HIPK1: variants seen among roughly 807,000 people sequenced by gnomAD.
The protein encoded by HIPK1 is homeodomain interacting protein kinase 1.
Under a neutral mutation model 117.1 loss-of-function variants are expected in HIPK1, and 28 were observed. That is an observed-to-expected ratio of 0.24 (90% CI 0.18 to 0.33). The LOEUF is 0.33. Ranked by LOEUF, HIPK1 falls within the 10% of genes least tolerant of loss-of-function variation. The pLI, the probability that HIPK1 is intolerant of heterozygous loss-of-function variation, is 1.00. For synonymous variants in HIPK1, 605 were observed against 562.5 expected (o/e 1.08, Z -1.07); for missense variants, 1,122 against 1,475.1 (o/e 0.76, Z 3.92).
At chr1:113,937,957 G>A (rs1254044828) in intron 1 of HIPK1, among the ~76,000 whole-genome samples, 1 of 151,890 alleles carries the variant, frequency 6.6e-6, no homozygotes, top group African/African-American at 2.4e-5. Flanking sequence ...TGCATTTTAA[G>A]GCAGGTTGAG....
At chr1:113,955,244 G>A (rs1056332278) in intron 4 of HIPK1, among the ~76,000 whole-genome samples, 3 of 152,206 alleles carry the variant, frequency 2.0e-5, no homozygotes, top group Admixed American at 2.0e-4. Context: ...GTCTGAGTCT[G>A]TTGAACAGTT....
chr1:113,943,891 T>C (rs538043867), intron 2 of HIPK1, among the ~76,000 whole-genome samples: 113 of 152,300 alleles, frequency 7.4e-4, no homozygotes, highest in African/African-American at 2.5e-3. Flanking sequence ...CATAGTTCAC[T>C]GTAGCCTCCA....
intron 8 of HIPK1, 111 bp downstream of exon 8, chr1:113,958,402 A>T (rs1671867133): frequency 1.4e-6 from 1 of 718,538 alleles, no homozygotes; most frequent in African/African-American, 1.8e-5. Flanking sequence ...TCTCTGATGA[A>T]GAAGGTAACT....
intron 8 of HIPK1, among the ~76,000 whole-genome samples, chr1:113,959,258 C>G (rs905752305): frequency 7.3e-5 from 11 of 149,904 alleles, no homozygotes; most frequent in African/African-American, 2.7e-4. Flanking sequence ...TGTTTGGTTT[C>G]TGATAGAGTC....
chr1:113,944,985 C>A (rs1256806057), intron 2 of HIPK1, among the ~76,000 whole-genome samples: 5 of 152,080 alleles, frequency 3.3e-5, no homozygotes, highest in Non-Finnish European at 7.4e-5. Flanking sequence ...GTACCTGAGA[C>A]TACGGGCATG....
intron 2 of HIPK1, among the ~76,000 whole-genome samples, chr1:113,949,164 A>C (rs1024524228): frequency 1.3e-5 from 2 of 152,136 alleles, no homozygotes; most frequent in African/African-American, 2.4e-5. Flanking sequence ...TAAAGAAGAA[A>C]GTTATAGAGT....
At chr1:113,931,574 T>G (rs1669900087) in intron 1 of HIPK1, among the ~76,000 whole-genome samples, 1 of 152,220 alleles carries the variant, frequency 6.6e-6, no homozygotes, top group Non-Finnish European at 1.5e-5. Flanking sequence ...TGTAGTTTTG[T>G]GGTTTTTTGA....
chr1:113,955,269 C>T (rs895989158), intron 4 of HIPK1, among the ~76,000 whole-genome samples: 2 of 152,130 alleles, frequency 1.3e-5, no homozygotes, highest in African/African-American at 4.8e-5. Context: ...TTTGAGATAT[C>T]GATTTATTTG....
chr1:113,963,435 A>G lies in HIPK1; in HGVS notation c.2152A>G (p.Thr718Ala). 1.2e-6 allele frequency: 2 copies of G among 1,614,164 alleles called. No individual in the cohort carries two copies. The highest frequency in any genetic ancestry group is 1.7e-6 in the Non-Finnish European group (2 of 1,180,010). ...AGCAACTCTCCACCCTCAAGTAGCCACCATCACACCGCAGTATGCGGTGCC... is the reference window on the plus strand; with the variant it reads ...AGCAACTCTCCACCCTCAAGTAGCCGCCATCACACCGCAGTATGCGGTGCC... Reference protein sequence around the residue: ...MVATLHPQVATITPQYAVPFT... With the variant: ...MVATLHPQVAAITPQYAVPFT... Residue 718 changes from threonine to alanine, a missense_variant, in exon 10 of 16, where the codon ACC becomes GCC. Around this residue, in one of 6 missense-constraint regions of HIPK1, gnomAD observed 731 missense variants for 860.4 expected, o/e 0.85. Coordinates refer to ENST00000426820, the MANE Select transcript of HIPK1 (RefSeq NM_198268.3).
intron 7 of HIPK1, 94 bp from the exon 8 acceptor site, chr1:113,957,969 CATT>C: frequency 6.8e-6 from 6 of 888,730 alleles, no homozygotes; most frequent in Admixed American, 2.3e-5. Context: ...CATTTTAAAA[CATT>C]ATTCTACGTT....
In HIPK1 at chr1:113,971,974, G is replaced by A; in HGVS notation, c.3144+20G>A. 6.2e-7 allele frequency: 1 copy of A among 1,612,768 alleles called. No individual in the cohort carries two copies. The highest frequency in any genetic ancestry group is 8.5e-7 in the Non-Finnish European group (1 of 1,179,448). On this transcript the variant is annotated intron_variant, in intron 15 of 15. Coordinates refer to ENST00000426820, the MANE Select transcript of HIPK1 (RefSeq NM_198268.3). ...AGCCAGGTAAGTGCTATGGGCTACT[G>A]CCTTCTGTTTGGGCCCTGCACTGTT...
At chr1:113,951,342 T>C (rs1453566091) in intron 2 of HIPK1, 1 of 928,658 alleles carries the variant, frequency 1.1e-6, no homozygotes, top group Admixed American at 6.2e-5. Context: ...ATATACTCAA[T>C]TCTGGAGCCA....
Position 113,952,876 on chromosome 1 carries a change from C to A in HIPK1, c.1187C>A (p.Ser396Ter). ...FLGWPLYPGA[S>*]EYDQIRYISQ... Reference sequence around the variant, plus strand: ...GGATGGCCTCTTTATCCTGGTGCTTCAGAATATGATCAGGTAAAAGTGTTT... The same window carrying A: ...GGATGGCCTCTTTATCCTGGTGCTTAAGAATATGATCAGGTAAAAGTGTTT... Residue 396 changes from serine (S) to a stop codon, truncating the protein, a stop_gained, in exon 3 of 16, where the codon TCA (serine) becomes TAA (stop). Transcript: ENST00000426820. LOFTEE classifies it high-confidence loss of function. 2 of 1,529,266 alleles carry A rather than the reference C, an allele frequency of 1.3e-6. No homozygotes were observed. Among genetic ancestry groups the A allele is most frequent in the South Asian group, 2.6e-5 (2 of 77,680 alleles). The allele number at this position is 1,529,266 out of a possible 1,614,324, so 94.7% of individuals were successfully genotyped here. A position where few individuals can be genotyped will look rare whatever the true frequency, so the allele number is the denominator to read the frequency against.
intron 2 of HIPK1, among the ~76,000 whole-genome samples, chr1:113,947,523 A>T (rs1671063599): frequency 2.0e-5 from 3 of 152,212 alleles, no homozygotes. Flanking sequence ...ATTGGTAAGT[A>T]AGTAGGTTTG....
At chr1:113,949,289 C>G (rs990927455) in intron 2 of HIPK1, among the ~76,000 whole-genome samples, 5 of 152,124 alleles carry the variant, frequency 3.3e-5, no homozygotes, top group Non-Finnish European at 7.3e-5. Context: ...TGTTCTAAAC[C>G]CAGTTTTTAT....
At chr1:113,966,043 A>T in intron 10 of HIPK1, 87 bp from the exon 11 acceptor site, 1 of 1,334,062 alleles carries the variant, frequency 7.5e-7, no homozygotes, top group Non-Finnish European at 1.0e-6. Context: ...TTCTTTTAAG[A>T]TATGAATTTT....
chr1:113,966,339 A>T, intron 11 of HIPK1, 67 bp downstream of exon 11: 1 of 1,429,966 alleles, frequency 7.0e-7, no homozygotes, highest in Non-Finnish European at 9.5e-7. Flanking sequence ...GCACTTGGTA[A>T]TAAGGAGAGA....
chr1:113,963,627 A>G (rs1036238181), intron 10 of HIPK1, 106 bp downstream of exon 10: 11 of 1,414,562 alleles, frequency 7.8e-6, no homozygotes, highest in African/African-American at 2.9e-5. Flanking sequence ...TTTATTTTTC[A>G]AAAAAATTTT....
Position 113,969,992 on chromosome 1 carries a change from T to C in HIPK1, c.2808T>C (p.Tyr936=), listed in dbSNP as rs761132575. Residue 936 remains tyrosine (Y), a synonymous_variant, in exon 14 of 16, where the codon TAT becomes TAC. Coordinates refer to ENST00000426820, the MANE Select transcript of HIPK1 (RefSeq NM_198268.3). ...GLKPRSNVIS[Y]VTVNDSPDSD... Reference sequence around the variant, plus strand: ...AGCCAAGGTCTAATGTCATCAGTTATGTCACTGTCAATGATTCTCCAGACT... The same window carrying C: ...AGCCAAGGTCTAATGTCATCAGTTACGTCACTGTCAATGATTCTCCAGACT... 6 of 1,614,052 alleles carry C rather than the reference T, an allele frequency of 3.7e-6. No individual in the cohort carries two copies. The East Asian group carries it at 8.9e-5, about 24-fold the overall frequency.
Sources: allele counts gnomAD v4.1 joint callset (sites outside exome capture counted in the v4.1 genomes callset), GRCh38; gene constraint gnomAD v4.1.1; regional missense constraint gnomAD v4.1.1; transcripts MANE v1.5; gene names NCBI Gene and HGNC (gene_info 2026-07-23, HGNC 2026-07-21).